CCM2: variants seen among roughly 807,000 people sequenced by gnomAD.
CCM2 encodes the protein cerebral cavernous malformations 2 protein.
A neutral mutation model predicts 44.9 loss-of-function variants in CCM2; 25 were observed. That is an observed-to-expected ratio of 0.56 (90% CI 0.41 to 0.78). The LOEUF is 0.78. CCM2 is among the 30% of genes least tolerant of loss of function. The pLI, the probability that CCM2 is intolerant of heterozygous loss-of-function variation, is 0.00. For synonymous variants in CCM2, 219 were observed against 241.1 expected (o/e 0.91, Z 0.85); for missense variants, 481 against 580.6 (o/e 0.83, Z 1.76).
chr7:45,044,015 C>T (rs1583916518), intron 2 of CCM2, among the ~76,000 whole-genome samples: 1 of 152,290 alleles, frequency 6.6e-6, no homozygotes, highest in African/African-American at 2.4e-5. Context: ...CAGTTCTTCT[C>T]CCTCCAGAAT....
chr7:45,056,478 G>GA (rs1263407686), intron 2 of CCM2, among the ~76,000 whole-genome samples: 2 of 152,172 alleles, frequency 1.3e-5, no homozygotes. Context: ...AACATAGTGA[G>GA]ACCCCACCCC....
chr7:45,069,958 A>G lies in CCM2; in HGVS notation c.742A>G (p.Ser248Gly). ...STPTHHLSLHSDDSSTKVDIK... is the reference protein window; with the variant it reads ...STPTHHLSLHGDDSSTKVDIK... The stretch of plus-strand genomic sequence containing the variant: ...CCCGACCCACCACCTGTCCCTGCAC[A>G]GCGGTATGTTGAGTGAGAGTGGGCA... Residue 248 changes from serine to glycine, a missense_variant, in exon 6 of 10, where the codon AGC (serine) becomes GGC (glycine). By Grantham distance (56) the Ser-to-Gly change is moderately conservative. Transcript: ENST00000258781. The G allele has an allele frequency of 1.2e-6, 2 of 1,613,900 alleles. No homozygotes were observed. The highest frequency in any genetic ancestry group is 1.7e-6 in the Non-Finnish European group (2 of 1,180,030).
At chr7:45,001,645 T>TA (rs1795635943) in intron 1 of CCM2, among the ~76,000 whole-genome samples, 2 of 152,290 alleles carry the variant, frequency 1.3e-5, no homozygotes, top group African/African-American at 4.8e-5. Flanking sequence ...GTGCACCGCT[T>TA]ACAGGAGTAC....
At chr7:45,036,640 C>T (rs547828200) in intron 1 of CCM2, among the ~76,000 whole-genome samples, 17 of 152,020 alleles carry the variant, frequency 1.1e-4, no homozygotes, top group Non-Finnish European at 2.2e-4. Flanking sequence ...ATAGTGTAGT[C>T]CTTGGCTGCA....
intron 1 of CCM2, among the ~76,000 whole-genome samples, chr7:45,012,879 T>C (rs1796121453): frequency 6.6e-6 from 1 of 152,114 alleles, no homozygotes. Flanking sequence ...GTTTGCATGG[T>C]GTGTGTCTTT....
intron 2 of CCM2, among the ~76,000 whole-genome samples, chr7:45,039,067 G>A (rs991569921): frequency 6.6e-6 from 1 of 152,190 alleles, no homozygotes; most frequent in East Asian, 1.9e-4. Flanking sequence ...AGCCAGACCC[G>A]AGTTCCTGCA....
intron 1 of CCM2, among the ~76,000 whole-genome samples, chr7:45,035,826 CATATAT>C (rs148493896): frequency 4.0e-5 from 6 of 150,082 alleles, no homozygotes; most frequent in South Asian, 4.2e-4. Context: ...TACATATATA[CATATAT>C]ATATATATGT....
intron 1 of CCM2, among the ~76,000 whole-genome samples, chr7:45,037,210 G>T (rs947800474): frequency 6.6e-5 from 10 of 150,958 alleles, no homozygotes; most frequent in Admixed American, 2.6e-4. Flanking sequence ...CTTTCTTACG[G>T]AGTTATTGTG....
rs60568953 is a variant in CCM2 at position 45,012,130 on chromosome 7, C to CT, written c.30+11787dup. Among the ~76,000 whole-genome samples the CT allele has an allele frequency of 4.9e-3, 461 of 94,026 alleles. 5 individuals carry two copies. The highest frequency in any genetic ancestry group is 6.8e-3 in the African/African-American group (178 of 26,140). 61.7% of individuals were successfully genotyped at this position (94,026 alleles called of 152,430 possible). The stretch of plus-strand genomic sequence containing the variant: ...ACATACACATTTAGGATCATAATAT[C>CT]TTTTTTTTTTTTTTTTTTTTGAGAT... On this transcript the variant is annotated intron_variant, in intron 1 of 9. Transcript: ENST00000258781.
At chr7:45,010,122 G>A (rs749864422) in intron 1 of CCM2, among the ~76,000 whole-genome samples, 4 of 152,032 alleles carry the variant, frequency 2.6e-5, no homozygotes, top group Admixed American at 6.6e-5. Flanking sequence ...TGTTGCCCAG[G>A]CTGGTCTTGA....
At chr7:45,005,281 A>G (rs889781672) in intron 1 of CCM2, among the ~76,000 whole-genome samples, 2 of 152,220 alleles carry the variant, frequency 1.3e-5, no homozygotes, top group Non-Finnish European at 2.9e-5. Context: ...AAGAGTTACC[A>G]TTTACATAGT....
chr7:45,055,427 G>A (rs1265385390), intron 2 of CCM2, among the ~76,000 whole-genome samples: 2 of 152,172 alleles, frequency 1.3e-5, no homozygotes, highest in Admixed American at 6.5e-5. Flanking sequence ...GGTGGCTCAT[G>A]CCTGTAATCC....
intron 2 of CCM2, among the ~76,000 whole-genome samples, chr7:45,041,041 C>T (rs1797471662): frequency 6.6e-6 from 1 of 152,178 alleles, no homozygotes; most frequent in Non-Finnish European, 1.5e-5. Flanking sequence ...GACACGGATT[C>T]ATAGCCCAAG....
intron 1 of CCM2, among the ~76,000 whole-genome samples, chr7:45,017,471 GT>G (rs1796311725): frequency 6.6e-6 from 1 of 152,212 alleles, no homozygotes; most frequent in Admixed American, 6.5e-5. Context: ...AGTTGCAGTT[GT>G]TTTCCTATTG....
At chr7:45,028,527 C>A (rs966719748) in intron 1 of CCM2, among the ~76,000 whole-genome samples, 2 of 151,972 alleles carry the variant, frequency 1.3e-5, no homozygotes, top group African/African-American at 4.8e-5. Context: ...TGTGGCGGCA[C>A]GCACCTGTAA....
At chr7:45,001,799 A>G (rs187895059) in intron 1 of CCM2, among the ~76,000 whole-genome samples, 1 of 152,326 alleles carries the variant, frequency 6.6e-6, no homozygotes, top group East Asian at 1.9e-4. Context: ...TTTTTGGGGT[A>G]CAAGTGAAAA....
At chr7:45,068,348 C>T (rs146563144) in intron 4 of CCM2, 95 bp from the exon 5 acceptor site, 4 of 1,543,810 alleles carry the variant, frequency 2.6e-6, no homozygotes, top group South Asian at 2.2e-5. Context: ...TAAAGGTCCT[C>T]TCAGCCTGTT....
At chr7:45,055,457 G>A (rs1241820474) in intron 2 of CCM2, among the ~76,000 whole-genome samples, 1 of 152,210 alleles carries the variant, frequency 6.6e-6, no homozygotes, top group African/African-American at 2.4e-5. Flanking sequence ...GGGAGGCTAA[G>A]GCGGGTGGAT....
At chr7:45,023,632 T>TA (rs1353042646) in intron 1 of CCM2, among the ~76,000 whole-genome samples, 1 of 151,924 alleles carries the variant, frequency 6.6e-6, no homozygotes, top group Admixed American at 6.6e-5. Flanking sequence ...GCCTGTGTGG[T>TA]AGAGTTTACT....
Sources: gnomAD v4.1 joint callset for allele counts (sites outside exome capture counted in the v4.1 genomes callset) on GRCh38, gnomAD v4.1.1 for gene constraint, MANE v1.5 for transcripts, NCBI Gene and HGNC (gene_info 2026-07-23, HGNC 2026-07-21) for gene names.